SAMM50: variants seen among roughly 807,000 people sequenced by gnomAD.
The protein encoded by SAMM50 is SAMM50 sorting and assembly machinery component, also known as sorting and assembly machinery component 50 homolog.
In SAMM50, 47 loss-of-function variants were observed where a neutral mutation model predicts 66.9. That is an observed-to-expected ratio of 0.70 (90% confidence interval 0.56 to 0.90). The LOEUF (loss-of-function observed/expected upper bound fraction) is 0.90, where lower values mean the gene tolerates loss of function less well. Among genes scored for constraint, SAMM50 ranks in the 40% least tolerant of loss-of-function variants. SAMM50 has a pLI of 0.00. For synonymous variants in SAMM50, 191 were observed against 214.1 expected (o/e 0.89, Z 0.94); for missense variants, 535 against 595.3 (o/e 0.90, Z 1.05).
chr22:43,976,183 G>A lies in SAMM50; in HGVS notation c.777G>A (p.Ser259=). ...GACATTCACTGAAATCATCTCTTTC[G>A]GTAACGGTTTCTCTTAGTTGGAGTA... The part of the protein sequence containing the change: ...ESGHSLKSSL[S]HAMVIDSRNS... Residue 259 remains serine (S), a splice_region_variant and synonymous_variant, in exon 8 of 15, where the codon TCG becomes TCA. Coordinates refer to ENST00000350028, the MANE Select transcript of SAMM50 (RefSeq NM_015380.5). The A allele has an allele frequency of 1.2e-6, 2 of 1,602,756 alleles. No individual in the cohort carries two copies. The highest frequency in any genetic ancestry group is 1.7e-6 in the Non-Finnish European group (2 of 1,170,740).
chr22:43,989,397 C>T (rs905065577), intron 13 of SAMM50, 140 bp downstream of exon 13: 12 of 862,070 alleles, frequency 1.4e-5, no homozygotes, highest in South Asian at 3.7e-5. Flanking sequence ...AGTGCAGTGG[C>T]GCAATCTCGG....
chr22:43,988,974 G>A, intron 12 of SAMM50, 137 bp from the exon 13 acceptor site: 1 of 725,686 alleles, frequency 1.4e-6, no homozygotes, highest in Non-Finnish European at 2.2e-6. Context: ...GGAATGAGAA[G>A]AACAGCTGCT....
chr22:43,970,500 G>A (rs2050197788), intron 4 of SAMM50, among the ~76,000 whole-genome samples: 1 of 152,212 alleles, frequency 6.6e-6, no homozygotes, highest in Non-Finnish European at 1.5e-5. Flanking sequence ...TGTCCTAGGT[G>A]TTGTACACGG....
intron 7 of SAMM50, chr22:43,975,114 A>G (rs1199230254): frequency 2.0e-5 from 3 of 152,306 alleles, no homozygotes; most frequent in African/African-American, 7.2e-5. Context: ...CTCCCGTAGG[A>G]ATTTGGGAAA....
At chr22:43,990,184 G>A (rs758174107) in intron 13 of SAMM50, 81 bp from the exon 14 acceptor site, 2 of 1,545,082 alleles carry the variant, frequency 1.3e-6, no homozygotes, top group Non-Finnish European at 1.8e-6. Context: ...CAGCCAGGGG[G>A]AGCCAGGGCT....
chr22:43,976,016 A>T (rs2050229460), intron 7 of SAMM50, 39 bp from the exon 8 acceptor site: 1 of 1,581,458 alleles, frequency 6.3e-7, no homozygotes, highest in Non-Finnish European at 8.7e-7. Flanking sequence ...GTTCCTAAGT[A>T]TGTGTGGTCC....
chr22:43,990,980 AT>A (rs10661965), intron 14 of SAMM50, among the ~76,000 whole-genome samples: 139 of 148,594 alleles, frequency 9.4e-4, no homozygotes, highest in Non-Finnish European at 1.6e-3. Flanking sequence ...ATTGTGTAAA[AT>A]TTTTTTTTTT....
At chr22:43,976,241 T>A (rs1050260125) in intron 8 of SAMM50, 58 bp downstream of exon 8, 2 of 1,560,910 alleles carry the variant, frequency 1.3e-6, no homozygotes, top group Non-Finnish European at 8.7e-7. Context: ...TGCTATGCAT[T>A]GGGAAAACAG....
chr22:43,984,086 T>TTATA (rs2050278954), intron 12 of SAMM50, 86 bp downstream of exon 12: 1 of 1,126,012 alleles, frequency 8.9e-7, no homozygotes, highest in Admixed American at 2.3e-5. Flanking sequence ...CTTACAGCGA[T>TTATA]AATAGACATT....
chr22:43,978,005 TG>T (rs1569031104), intron 10 of SAMM50, 47 bp downstream of exon 10: 1 of 1,290,772 alleles, frequency 7.7e-7, no homozygotes, highest in Non-Finnish European at 1.1e-6. Context: ...GCCCTTACTT[TG>T]GGGATCTTAC....
chr22:43,977,967 C>A lies in SAMM50; in HGVS notation c.936+9C>A. The A allele has an allele frequency of 6.3e-7, 1 of 1,580,122 alleles. No homozygotes were observed. The highest frequency in any genetic ancestry group is 1.3e-5 in the African/African-American group (1 of 74,420). On this transcript the variant is annotated intron_variant, in intron 10 of 14. Coordinates refer to ENST00000350028, the MANE Select transcript of SAMM50 (RefSeq NM_015380.5). ...AACTCATATTTGATTCAGTGAGTATCTAACGGATGCTGGCACCTGCACTGT... is the reference window on the plus strand; with the variant it reads ...AACTCATATTTGATTCAGTGAGTATATAACGGATGCTGGCACCTGCACTGT...
At chr22:43,970,659 T>C (rs981982499) in intron 4 of SAMM50, among the ~76,000 whole-genome samples, 3 of 152,078 alleles carry the variant, frequency 2.0e-5, no homozygotes, top group African/African-American at 4.8e-5. Context: ...TGTTAGTAAG[T>C]GTGTGTCGGG....
intron 12 of SAMM50, among the ~76,000 whole-genome samples, chr22:43,985,096 G>C (rs951274698): frequency 4.6e-5 from 7 of 151,922 alleles, no homozygotes; most frequent in African/African-American, 1.7e-4. Flanking sequence ...TAGGTTTACA[G>C]AAAAGTTGGG....
At chr22:43,963,567 T>G (rs183234852) in intron 2 of SAMM50, among the ~76,000 whole-genome samples, 171 bp downstream of exon 2, 3 of 152,338 alleles carry the variant, frequency 2.0e-5, no homozygotes, top group Admixed American at 6.5e-5. Context: ...AGTTTCTATT[T>G]TTAAAGAAGT....
chr22:43,982,713 A>G (rs2050270987), intron 11 of SAMM50, among the ~76,000 whole-genome samples: 1 of 152,126 alleles, frequency 6.6e-6, no homozygotes, highest in Non-Finnish European at 1.5e-5. Flanking sequence ...TCGACTTACT[A>G]CAACCTCTAC....
Position 43,968,807 on chromosome 22 carries a change from A to G in SAMM50, c.311A>G (p.Asp104Gly). 1 of 1,608,110 alleles carries G rather than the reference A, an allele frequency of 6.2e-7. No individual in the cohort carries two copies. The highest frequency in any genetic ancestry group is 8.5e-7 in the Non-Finnish European group (1 of 1,174,510). ...TTTAGACAAGTGGATGTTTTGATTG[A>G]CACATGTCAAGGTACATATTGTGGT... Reference protein sequence around the residue: ...GIFRQVDVLIDTCQGDDALPN... With the variant: ...GIFRQVDVLIGTCQGDDALPN... The change falls in exon 4 of 15, where the codon GAC becomes GGC. Residue 104 changes from aspartate (D) to glycine (G), a missense_variant. Asp to Gly is a moderately conservative substitution (Grantham distance 94). Coordinates refer to ENST00000350028, the MANE Select transcript of SAMM50 (RefSeq NM_015380.5).
intron 10 of SAMM50, among the ~76,000 whole-genome samples, chr22:43,979,182 G>A (rs930348046): frequency 1.3e-5 from 2 of 152,148 alleles, no homozygotes; most frequent in African/African-American, 4.8e-5. Context: ...CTAGATCTCT[G>A]TTGCCATCTC....
At chr22:43,969,710 G>A (rs951458011) in intron 4 of SAMM50, among the ~76,000 whole-genome samples, 1 of 152,206 alleles carries the variant, frequency 6.6e-6, no homozygotes, top group African/African-American at 2.4e-5. Context: ...GTGGGGTGAA[G>A]AATGTTCTGG....
chr22:43,958,912 G>A (rs774482664), intron 1 of SAMM50, among the ~76,000 whole-genome samples: 1 of 151,914 alleles, frequency 6.6e-6, no homozygotes, highest in Non-Finnish European at 1.5e-5. Flanking sequence ...GACTCAAACA[G>A]TAAGAAAACA....
Sources: allele counts gnomAD v4.1 joint callset (sites outside exome capture counted in the v4.1 genomes callset), GRCh38; gene constraint gnomAD v4.1.1; transcripts MANE v1.5; gene names NCBI Gene and HGNC (gene_info 2026-07-23, HGNC 2026-07-21).